The following GPC5 variants were observed in gnomAD, a reference collection of about 807,000 sequenced individuals.
GPC5 encodes the protein glypican 5.
In GPC5, 47 loss-of-function variants were observed where a neutral mutation model predicts 53.9. The observed-to-expected ratio is 0.87, with a 90% CI of 0.69 to 1.11. The LOEUF (loss-of-function observed/expected upper bound fraction) is 1.11, where lower values mean the gene tolerates loss of function less well. Among genes scored for constraint, GPC5 ranks in the 50% most tolerant of loss-of-function variants. The probability of loss-of-function intolerance (pLI) is 0.00; values close to 1 mark genes in which losing one functional copy is unlikely to be tolerated. For synonymous variants in GPC5, 286 were observed against 263.3 expected, an observed-to-expected ratio of 1.09 and a Z score of -0.84; for missense variants, 748 against 713.1, an observed-to-expected ratio of 1.05 and a Z score of -0.56.
At chr13:91,605,259 G>A (rs867068343) in intron 2 of GPC5, among the ~76,000 whole-genome samples, 10,277 of 146,492 alleles carry the variant, frequency 0.07, 458 homozygotes, top group Non-Finnish European at 0.099. Flanking sequence ...AGATCAGATA[G>A]TTGTAGAGAT....
chr13:92,455,565 G>A (rs1878231427), intron 7 of GPC5, among the ~76,000 whole-genome samples: 1 of 151,990 alleles, frequency 6.6e-6, no homozygotes, highest in Non-Finnish European at 1.5e-5. Flanking sequence ...AGATTTTGAT[G>A]GAGTAAGACA....
chr13:92,506,118 A>T (rs540443246), intron 7 of GPC5, among the ~76,000 whole-genome samples: 4 of 152,158 alleles, frequency 2.6e-5, no homozygotes, highest in Non-Finnish European at 5.9e-5. Context: ...TTGAGTATTA[A>T]CTTAAATATG....
intron 7 of GPC5, among the ~76,000 whole-genome samples, chr13:92,313,091 TAAATAACAA>T (rs2139212721): frequency 6.6e-6 from 1 of 152,288 alleles, no homozygotes; most frequent in South Asian, 2.1e-4. Flanking sequence ...GTGAGTTTTC[TAAATAACAA>T]AAGTCTGTCA....
At chr13:92,494,060 T>TTTTTG (rs1879870072) in intron 7 of GPC5, among the ~76,000 whole-genome samples, 1 of 143,828 alleles carries the variant, frequency 7.0e-6, no homozygotes, top group African/African-American at 2.5e-5. Context: ...TTGTGTTTTT[T>TTTTTG]TTTGTTTGTT....
chr13:91,449,921 A>T (rs1374580777), intron 2 of GPC5, among the ~76,000 whole-genome samples: 1 of 152,144 alleles, frequency 6.6e-6, no homozygotes, highest in African/African-American at 2.4e-5. Flanking sequence ...TCAAATTATT[A>T]CCTTTGGTCA....
chr13:92,667,252 T>C (rs1886606830), intron 7 of GPC5, among the ~76,000 whole-genome samples: 1 of 152,054 alleles, frequency 6.6e-6, no homozygotes, highest in Admixed American at 6.6e-5. Context: ...TGTTGGTGTT[T>C]CCAAAATGAA....
chr13:92,685,042 A>C (rs1228030214), intron 7 of GPC5, among the ~76,000 whole-genome samples: 1 of 152,114 alleles, frequency 6.6e-6, no homozygotes. Context: ...TGCTGCCATC[A>C]GTAATTTTCC....
At chr13:91,869,281 C>T (rs951337053) in intron 5 of GPC5, among the ~76,000 whole-genome samples, 3 of 151,986 alleles carry the variant, frequency 2.0e-5, no homozygotes, top group South Asian at 2.1e-4. Flanking sequence ...GGCTGGTCTC[C>T]AACTCCTGAC....
At chr13:92,612,821 G>A (rs11843052) in intron 7 of GPC5, among the ~76,000 whole-genome samples, 4,283 of 152,156 alleles carry the variant, frequency 0.028, 209 homozygotes, top group African/African-American at 0.098. Flanking sequence ...TATTTGTAAA[G>A]TTCTTTGTCC....
chr13:92,753,722 G>A (rs1416826459), intron 7 of GPC5, among the ~76,000 whole-genome samples: 1 of 151,982 alleles, frequency 6.6e-6, no homozygotes, highest in Non-Finnish European at 1.5e-5. Context: ...CTGGAAGAAA[G>A]GTATCAGCAA....
chr13:92,134,595 T>A (rs1344576481), intron 6 of GPC5, among the ~76,000 whole-genome samples: 3 of 152,146 alleles, frequency 2.0e-5, no homozygotes, highest in Non-Finnish European at 4.4e-5. Flanking sequence ...ATAATGAGAT[T>A]AGTTACTGTT....
Position 92,108,769 on chromosome 13 carries a change from A to G in GPC5, c.1402-36061A>G, listed in dbSNP as rs540669398. Among the ~76,000 whole-genome samples, 6 of 152,180 alleles carry G rather than the reference A, an allele frequency of 3.9e-5. No homozygotes were observed. In the East Asian group the frequency reaches 1.2e-3, roughly 29 times the overall value. On this transcript the variant is annotated intron_variant, in intron 6 of 7. Coordinates refer to ENST00000377067, the MANE Select transcript of GPC5 (RefSeq NM_004466.6). The stretch of plus-strand genomic sequence containing the variant: ...ATCTCCTCTTGAACTTTTTTCTCTC[A>G]TCCTACTCTGTTTCTATTGTCCTTT...
chr13:91,664,159 G>T (rs952286047), intron 2 of GPC5, among the ~76,000 whole-genome samples: 6 of 152,312 alleles, frequency 3.9e-5, no homozygotes, highest in African/African-American at 1.4e-4. Flanking sequence ...AATCAGTGTT[G>T]CACAATACAG....
intron 1 of GPC5, among the ~76,000 whole-genome samples, chr13:91,432,205 G>GCTGCTGCTGCTGCTGC (rs140790450): frequency 0.026 from 3,143 of 119,228 alleles, 119 homozygotes; most frequent in African/African-American, 0.099. Flanking sequence ...TGCTGCTGCT[G>GCTGCTGCTGCTGCTGC]TGTGTGTGTG....
At chr13:91,668,923 T>G (rs2035180597) in intron 2 of GPC5, among the ~76,000 whole-genome samples, 1 of 152,174 alleles carries the variant, frequency 6.6e-6, no homozygotes, top group African/African-American at 2.4e-5. Context: ...TTTTATAAAG[T>G]GAAAATAGGC....
At chr13:92,371,688 A>G (rs1002241889) in intron 7 of GPC5, among the ~76,000 whole-genome samples, 2 of 152,304 alleles carry the variant, frequency 1.3e-5, no homozygotes, top group Admixed American at 6.5e-5. Context: ...ATCCCCTTAT[A>G]AAACCTTCAG....
chr13:91,761,484 C>G (rs924202973), intron 5 of GPC5, among the ~76,000 whole-genome samples: 1 of 152,102 alleles, frequency 6.6e-6, no homozygotes. Context: ...ACTGCCCTGC[C>G]TTTCTGAGAC....
intron 6 of GPC5, among the ~76,000 whole-genome samples, chr13:92,099,222 A>G (rs953413741): frequency 6.6e-6 from 1 of 152,090 alleles, no homozygotes; most frequent in African/African-American, 2.4e-5. Flanking sequence ...CTCTCAAAAT[A>G]TTTGCATGCC....
chr13:91,475,504 A>G lies in GPC5; in HGVS notation c.325+26582A>G, dbSNP rs548722703. 2.0e-4 allele frequency among the ~76,000 whole-genome samples: 30 copies of G among 152,328 alleles called. No homozygotes were observed. In the South Asian group the frequency reaches 5.6e-3, roughly 28 times the overall value. On this transcript the variant is annotated intron_variant, in intron 2 of 7. Coordinates refer to ENST00000377067, the MANE Select transcript of GPC5 (RefSeq NM_004466.6). ...ATAACAACCACAAAATCTCAGAGGC[A>G]TATGGCTGAAAGCATTTATTTCTTG...
Sources: allele counts gnomAD v4.1 joint callset (sites outside exome capture counted in the v4.1 genomes callset), GRCh38; gene constraint gnomAD v4.1.1; transcripts MANE v1.5; gene names NCBI Gene and HGNC (gene_info 2026-07-23, HGNC 2026-07-21).